Variants in MYH16 observed in about 807,000 individuals in gnomAD.
The protein encoded by MYH16 is myosin heavy chain 16, also known as putative uncharacterized protein MYH16.
chr7:99,270,777 G>A (rs946645161), intron 18 of MYH16, among the ~76,000 whole-genome samples: 1 of 152,076 alleles, frequency 6.6e-6, no homozygotes, highest in African/African-American at 2.4e-5. Flanking sequence ...TCAGCTACTT[G>A]GGAGACTGAG....
intron 11 of MYH16, among the ~76,000 whole-genome samples, chr7:99,258,989 C>T (rs1791906065): frequency 6.6e-6 from 1 of 152,130 alleles, no homozygotes; most frequent in African/African-American, 2.4e-5. Flanking sequence ...GCGGGCACAT[C>T]TTACATGGTG....
At chr7:99,290,486 CAAAA>C (rs57166125) in intron 30 of MYH16, among the ~76,000 whole-genome samples, 2 of 55,542 alleles carry the variant, frequency 3.6e-5, no homozygotes, top group Non-Finnish European at 7.7e-5. Flanking sequence ...GACCCTGTCT[CAAAA>C]AAAAAAAAAA....
At chr7:99,243,915 A>C (rs568273895) in intron 2 of MYH16, among the ~76,000 whole-genome samples, 1 of 151,918 alleles carries the variant, frequency 6.6e-6, no homozygotes, top group East Asian at 1.9e-4. Flanking sequence ...ACATCCATCC[A>C]TCCATCCAAG....
chr7:99,285,778 A>G (rs1332818272), intron 27 of MYH16, among the ~76,000 whole-genome samples: 1 of 152,236 alleles, frequency 6.6e-6, no homozygotes, highest in East Asian at 1.9e-4. Flanking sequence ...AATAGCACCT[A>G]CCTTCATTGG....
At chr7:99,240,468 C>CA (rs1791654397) in intron 1 of MYH16, among the ~76,000 whole-genome samples, 1 of 152,084 alleles carries the variant, frequency 6.6e-6, no homozygotes, top group Admixed American at 6.6e-5. Context: ...CAAAACAAAA[C>CA]AAAACAAAAA....
chr7:99,275,214 T>C (rs1792096171), intron 20 of MYH16, among the ~76,000 whole-genome samples: 1 of 151,934 alleles, frequency 6.6e-6, no homozygotes, highest in South Asian at 2.1e-4. Context: ...CCCAGGCTGG[T>C]CTCAAACTCC....
At position 99,281,669 on chromosome 7, in the gene MYH16, G is replaced by A. The variant is rs1023773251; in HGVS notation, n.2992+689G>A. Among the ~76,000 whole-genome samples the A allele has an allele frequency of 1.2e-4, 18 of 152,156 alleles. 1 individual carries two copies. Among genetic ancestry groups the A allele is most frequent in the African/African-American group, 3.9e-4 (16 of 41,448 alleles). On this transcript the variant is annotated intron_variant and non_coding_transcript_variant, in intron 23 of 41. Transcript: ENST00000439784. ...GGAGTGGGGTGTATGGAACTGTCCC[G>A]TGAGCTCAAAAGCCCCAGCAAAGCC...
At chr7:99,300,303 T>C (rs908620882) in intron 37 of MYH16, among the ~76,000 whole-genome samples, 8 of 152,168 alleles carry the variant, frequency 5.3e-5, no homozygotes, top group African/African-American at 1.9e-4. Context: ...TATAAACTAT[T>C]TCAGACATAG....
chr7:99,277,933 GAGAGACAGACAGAC>G (rs1403717054), intron 21 of MYH16, among the ~76,000 whole-genome samples: 17 of 135,412 alleles, frequency 1.3e-4, no homozygotes, highest in African/African-American at 5.5e-4. Flanking sequence ...GAGAGAGAGA[GAGAGACAGACAGAC>G]AGACAGACAG....
intron 37 of MYH16, among the ~76,000 whole-genome samples, chr7:99,300,148 T>C (rs1053452771): frequency 2.0e-5 from 3 of 151,780 alleles, no homozygotes; most frequent in Non-Finnish European, 2.9e-5. Flanking sequence ...TTAATAGAGA[T>C]GGGGTTTCAC....
At chr7:99,239,571 G>T (rs183774631) in intron 1 of MYH16, among the ~76,000 whole-genome samples, 197 of 152,256 alleles carry the variant, frequency 1.3e-3, no homozygotes, top group East Asian at 2.5e-3. Context: ...GGCTTTTAAC[G>T]TGTTGCAAGG....
intron 20 of MYH16, among the ~76,000 whole-genome samples, chr7:99,276,207 C>G (rs532792165): frequency 6.6e-6 from 1 of 152,188 alleles, no homozygotes; most frequent in Admixed American, 6.6e-5. Context: ...CCTTTTCATG[C>G]CAGCTTTGCC....
chr7:99,258,170 A>C lies in MYH16; in HGVS notation n.1184A>C, dbSNP rs574318382. 5.2e-5 allele frequency: 8 copies of C among 152,768 alleles called. No individual in the cohort carries two copies. The East Asian group carries it at 1.5e-3, about 29-fold the overall frequency. The allele number at this position is 152,768 out of a possible 1,614,324, so 9.5% of individuals were successfully genotyped here. A position where few individuals can be genotyped will look rare whatever the true frequency, so the allele number is the denominator to read the frequency against. On this transcript the variant is annotated non_coding_transcript_exon_variant, in exon 11 of 42. Coordinates refer to ENST00000439784, the Ensembl canonical transcript of MYH16. ...ATGGGTCTCAACTCTGGTGAACTGC[A>C]GAAAGGCATTACCAGGCCCCGAGTC... is the stretch of plus-strand genomic sequence containing the variant.
chr7:99,270,173 T>A (rs1424470258), intron 18 of MYH16, among the ~76,000 whole-genome samples: 1 of 151,676 alleles, frequency 6.6e-6, no homozygotes, highest in East Asian at 2.0e-4. Context: ...CCTGGGGGGA[T>A]TTTTAAAACA....
chr7:99,239,088 C>G (rs1295652097), intron 1 of MYH16: 1 of 152,628 alleles, frequency 6.6e-6, no homozygotes, highest in African/African-American at 2.4e-5. Flanking sequence ...GGCACCCAGG[C>G]CTTTTCTAGG....
intron 7 of MYH16, chr7:99,253,723 T>C: frequency 6.2e-6 from 1 of 162,236 alleles, no homozygotes; most frequent in Admixed American, 6.1e-5. Flanking sequence ...CACTTCTTTT[T>C]CAGATCTCTT....
At chr7:99,239,560 T>C (rs1255195190) in intron 1 of MYH16, among the ~76,000 whole-genome samples, 1 of 152,156 alleles carries the variant, frequency 6.6e-6, no homozygotes, top group Non-Finnish European at 1.5e-5. Context: ...TGGCTTCCGA[T>C]GGCTTTTAAC....
At chr7:99,309,221 A>T (rs2150842609), downstream of MYH16, among the ~76,000 whole-genome samples, 1 of 152,232 alleles carries the variant, frequency 6.6e-6, no homozygotes, top group East Asian at 1.9e-4. Context: ...GTGGGGCTGA[A>T]CCCTAAGCAC....
At chr7:99,243,905 A>ACATC (rs1211986069) in intron 2 of MYH16, among the ~76,000 whole-genome samples, 4 of 147,874 alleles carry the variant, frequency 2.7e-5, no homozygotes, top group East Asian at 4.0e-4. Context: ...ATCCATCCAA[A>ACATC]CATCCATCCA....
Sources: allele counts gnomAD v4.1 joint callset (sites outside exome capture counted in the v4.1 genomes callset), GRCh38; gene constraint gnomAD v4.1.1; transcripts MANE v1.5; gene names NCBI Gene and HGNC (gene_info 2026-07-23, HGNC 2026-07-21).